The following PPP2R2A variants were observed in gnomAD, a reference collection of about 807,000 sequenced individuals.
The protein encoded by PPP2R2A is protein phosphatase 2 regulatory subunit Balpha, also known as serine/threonine-protein phosphatase 2A 55 kDa regulatory subunit B alpha isoform.
Under a neutral mutation model 53.2 loss-of-function variants are expected in PPP2R2A, and 9 were observed. The observed-to-expected ratio is 0.17, with a 90% CI of 0.10 to 0.30. PPP2R2A has a LOEUF of 0.30. Among genes scored for constraint, PPP2R2A ranks in the 10% least tolerant of loss-of-function variants. The probability of loss-of-function intolerance (pLI) is 1.00; values close to 1 mark genes in which losing one functional copy is unlikely to be tolerated. For missense variants in PPP2R2A, 235 were observed against 534.6 expected, an observed-to-expected ratio of 0.44 and a Z score of 5.53; for synonymous variants, 169 against 174.2, an observed-to-expected ratio of 0.97 and a Z score of 0.23.
intron 3 of PPP2R2A, among the ~76,000 whole-genome samples, chr8:26,346,290 A>T (rs918502715): frequency 3.3e-5 from 5 of 151,934 alleles, no homozygotes; most frequent in African/African-American, 9.7e-5. Flanking sequence ...ACAGACGTGC[A>T]CCACCATGCC....
intron 2 of PPP2R2A, among the ~76,000 whole-genome samples, chr8:26,325,132 G>A (rs764860505): frequency 6.6e-6 from 1 of 151,530 alleles, no homozygotes; most frequent in Admixed American, 6.6e-5. Context: ...ATGAGATTTG[G>A]AGGGGTTGGG....
intron 2 of PPP2R2A, among the ~76,000 whole-genome samples, chr8:26,310,962 A>G (rs1159238220): frequency 6.6e-6 from 1 of 152,154 alleles, no homozygotes; most frequent in African/African-American, 2.4e-5. Flanking sequence ...TAGTGGAGGA[A>G]TGTTGGAGGG....
chr8:26,358,163 C>T, intron 4 of PPP2R2A, among the ~76,000 whole-genome samples: 1 of 141,748 alleles, frequency 7.1e-6, no homozygotes, highest in Non-Finnish European at 1.6e-5. Flanking sequence ...AGCTTTCTTC[C>T]TGTAAACACT....
chr8:26,349,084 C>G (rs969849748), intron 3 of PPP2R2A, among the ~76,000 whole-genome samples: 2 of 152,050 alleles, frequency 1.3e-5, no homozygotes, highest in African/African-American at 4.8e-5. Context: ...TGACAAGGTT[C>G]AATAAACTTG....
intron 8 of PPP2R2A, chr8:26,366,038 T>G (rs941578061): frequency 2.7e-5 from 8 of 299,390 alleles, no homozygotes; most frequent in African/African-American, 1.5e-4. Context: ...CAAGTGTTTT[T>G]GGCCTGAATG....
intron 4 of PPP2R2A, among the ~76,000 whole-genome samples, chr8:26,357,183 A>G (rs1315253961): frequency 6.6e-6 from 1 of 151,916 alleles, no homozygotes; most frequent in Non-Finnish European, 1.5e-5. Context: ...GGAAAGAAGG[A>G]GACTTAGAGA....
chr8:26,292,008 G>C lies in PPP2R2A; in HGVS notation c.7+182G>C. On this transcript the variant is annotated intron_variant, in intron 1 of 9. Transcript: ENST00000380737. ...GGCTCCCGGGAGGCAAGTGGTCACG[G>C]TGAGAGTCACTGGGCTTGGAGAACG... The C allele has an allele frequency of 3.4e-6, 4 of 1,191,024 alleles. No homozygotes were observed. The South Asian group carries it at 7.3e-5, about 22-fold the overall frequency. 73.8% of individuals were successfully genotyped at this position (1,191,024 alleles called of 1,614,324 possible). A position where few individuals can be genotyped will look rare whatever the true frequency, so the allele number is the denominator to read the frequency against.
intron 2 of PPP2R2A, among the ~76,000 whole-genome samples, chr8:26,336,962 C>T (rs753304464): frequency 6.6e-6 from 1 of 151,992 alleles, no homozygotes. Flanking sequence ...GCTAGTCACG[C>T]CATGGTCCTT....
chr8:26,331,870 GTTGT>G (rs1428293357), intron 2 of PPP2R2A, among the ~76,000 whole-genome samples: 4 of 152,090 alleles, frequency 2.6e-5, no homozygotes, highest in Non-Finnish European at 4.4e-5. Flanking sequence ...GATTTTCAGT[GTTGT>G]TTATTTGCTA....
intron 2 of PPP2R2A, among the ~76,000 whole-genome samples, chr8:26,330,373 C>T (rs1803308924): frequency 1.3e-5 from 2 of 149,292 alleles, no homozygotes; most frequent in African/African-American, 2.5e-5. Flanking sequence ...GCAATGGCAC[C>T]ATCTTGGCTC....
At chr8:26,305,169 A>G (rs1335260897) in intron 2 of PPP2R2A, among the ~76,000 whole-genome samples, 1 of 152,196 alleles carries the variant, frequency 6.6e-6, no homozygotes, top group African/African-American at 2.4e-5. Flanking sequence ...GGAATCATAC[A>G]GTCTTTTTGT....
At chr8:26,310,858 C>T (rs537892480) in intron 2 of PPP2R2A, among the ~76,000 whole-genome samples, 1 of 151,792 alleles carries the variant, frequency 6.6e-6, no homozygotes, top group African/African-American at 2.4e-5. Flanking sequence ...AATGTTGGAG[C>T]CTTTTTGTGT....
At chr8:26,331,549 G>A (rs1288605585) in intron 2 of PPP2R2A, among the ~76,000 whole-genome samples, 1 of 152,168 alleles carries the variant, frequency 6.6e-6, no homozygotes, top group African/African-American at 2.4e-5. Context: ...ATAACAAAAA[G>A]TAGAGGAGAC....
intron 2 of PPP2R2A, among the ~76,000 whole-genome samples, chr8:26,308,865 T>A (rs1256018755): frequency 6.6e-6 from 1 of 151,996 alleles, no homozygotes; most frequent in African/African-American, 2.4e-5. Context: ...AAAATATATA[T>A]ATATATATAC....
intron 2 of PPP2R2A, 33 bp downstream of exon 2, chr8:26,293,773 AT>A (rs765740340): frequency 1.3e-6 from 2 of 1,594,550 alleles, no homozygotes; most frequent in Non-Finnish European, 1.7e-6. Flanking sequence ...ATTTGGATAT[AT>A]AATTTTTGCA....
chr8:26,292,276 G>A, intron 1 of PPP2R2A: 1 of 994,182 alleles, frequency 1.0e-6, no homozygotes, highest in Non-Finnish European at 1.2e-6. Flanking sequence ...ATTTTGCCTC[G>A]AGAAGGAAGA....
At chr8:26,310,776 C>T (rs576148601) in intron 2 of PPP2R2A, among the ~76,000 whole-genome samples, 45 of 151,682 alleles carry the variant, frequency 3.0e-4, no homozygotes, top group African/African-American at 9.0e-4. Context: ...ATTTCCTGAC[C>T]TCTTGACAAT....
chr8:26,348,478 T>A (rs1264997781), intron 3 of PPP2R2A, among the ~76,000 whole-genome samples: 1 of 152,200 alleles, frequency 6.6e-6, no homozygotes, highest in Non-Finnish European at 1.5e-5. Context: ...CTGTATAAAA[T>A]TACTTTCAGG....
At chr8:26,316,195 A>C (rs994854221) in intron 2 of PPP2R2A, among the ~76,000 whole-genome samples, 1 of 151,978 alleles carries the variant, frequency 6.6e-6, no homozygotes, top group Non-Finnish European at 1.5e-5. Flanking sequence ...TCTAGTAGAG[A>C]TGGGGTTTCA....
Sources: gnomAD v4.1 joint callset for allele counts (sites outside exome capture counted in the v4.1 genomes callset) on GRCh38, gnomAD v4.1.1 for gene constraint, MANE v1.5 for transcripts, NCBI Gene and HGNC (gene_info 2026-07-23, HGNC 2026-07-21) for gene names.